The following STPG4 variants were observed in gnomAD, a reference collection of about 807,000 sequenced individuals.
STPG4 encodes the protein sperm-tail PG-rich repeat containing 4, also known as protein STPG4.
A neutral mutation model predicts 31.5 loss-of-function variants in STPG4; 41 were observed. The observed-to-expected ratio is 1.30, with a 90% CI of 1.01 to 1.69. The LOEUF is 1.69. Among genes scored for constraint, STPG4 ranks in the 40% most tolerant of loss-of-function variants. The pLI is 0.00. For synonymous variants in STPG4, 141 were observed against 103.0 expected (o/e 1.37, Z -2.24); for missense variants, 375 against 293.4 (o/e 1.28, Z -2.03).
At chr2:47,107,485 C>T (rs1452594941) in intron 5 of STPG4, among the ~76,000 whole-genome samples, 2 of 152,174 alleles carry the variant, frequency 1.3e-5, no homozygotes, top group Non-Finnish European at 1.5e-5. Context: ...GTGCTGCGCT[C>T]GGTTTCTCAC....
chr2:47,090,457 A>G (rs1685548442), intron 5 of STPG4, 83 bp from the exon 6 acceptor site: 1 of 881,390 alleles, frequency 1.1e-6, no homozygotes, highest in Admixed American at 2.2e-5. Context: ...ACAAATAAAC[A>G]TATGAATCAC....
At chr2:47,133,361 C>G (rs971773071) in intron 3 of STPG4, among the ~76,000 whole-genome samples, 2 of 151,520 alleles carry the variant, frequency 1.3e-5, no homozygotes, top group African/African-American at 4.9e-5. Context: ...GAGTTGAGAT[C>G]TCACTATGTT....
intron 5 of STPG4, 104 bp from the exon 6 acceptor site, chr2:47,090,478 T>G: frequency 2.6e-6 from 2 of 758,516 alleles, no homozygotes; most frequent in Admixed American, 4.9e-5. Context: ...TGTGATATAG[T>G]AGAAAAATCC....
At chr2:47,111,923 G>A (rs970658996) in intron 5 of STPG4, among the ~76,000 whole-genome samples, 3 of 152,106 alleles carry the variant, frequency 2.0e-5, no homozygotes, top group African/African-American at 7.2e-5. Flanking sequence ...CCTACACTGG[G>A]GGACAAAATA....
intron 5 of STPG4, among the ~76,000 whole-genome samples, chr2:47,103,324 C>G (rs1364303562): frequency 6.6e-6 from 1 of 151,896 alleles, no homozygotes; most frequent in Non-Finnish European, 1.5e-5. Context: ...CCAAATCACT[C>G]GAGGGTCAAT....
chr2:47,133,545 A>C (rs1478237463), intron 3 of STPG4, among the ~76,000 whole-genome samples: 1 of 133,226 alleles, frequency 7.5e-6, no homozygotes, highest in Non-Finnish European at 1.6e-5. Flanking sequence ...TAATGTTTCA[A>C]TCCATGCTGA....
intron 5 of STPG4, among the ~76,000 whole-genome samples, chr2:47,127,178 T>C (rs1366406928): frequency 6.6e-6 from 1 of 151,880 alleles, no homozygotes; most frequent in Non-Finnish European, 1.5e-5. Context: ...TTATAGATTT[T>C]GTAAGCATGC....
chr2:47,114,413 A>T (rs576149867), intron 5 of STPG4, among the ~76,000 whole-genome samples: 2 of 152,214 alleles, frequency 1.3e-5, no homozygotes, highest in Non-Finnish European at 2.9e-5. Context: ...ATGTTGAGGC[A>T]AGAGAATAAC....
intron 3 of STPG4, among the ~76,000 whole-genome samples, chr2:47,142,958 C>T (rs1284618164): frequency 6.7e-6 from 1 of 149,908 alleles, no homozygotes; most frequent in East Asian, 2.0e-4. Context: ...CTGCCTTAGC[C>T]TCCCGAGTAG....
intron 5 of STPG4, among the ~76,000 whole-genome samples, chr2:47,121,847 CGTGTGTGTGTGTGTGTGTGTGTGT>C (rs10538224): frequency 2.1e-5 from 3 of 144,218 alleles, no homozygotes; most frequent in East Asian, 2.0e-4. Context: ...GCCCTCTCCT[CGTGTGTGTGTGTGTGTGTGTGTGT>C]GTGTGTGTGT....
intron 5 of STPG4, 55 bp downstream of exon 5, chr2:47,129,886 C>A: frequency 6.3e-7 from 1 of 1,595,540 alleles, no homozygotes; most frequent in Admixed American, 1.8e-5. Flanking sequence ...CCAGAAAGCA[C>A]AGCGTATTTT....
intron 5 of STPG4, among the ~76,000 whole-genome samples, chr2:47,123,089 G>C (rs1686306200): frequency 6.6e-6 from 1 of 152,114 alleles, no homozygotes; most frequent in South Asian, 2.1e-4. Flanking sequence ...GCCTTCCAAA[G>C]TGCTGGGATT....
chr2:47,091,973 T>C (rs10173111), intron 5 of STPG4, among the ~76,000 whole-genome samples: 123,646 of 147,880 alleles, frequency 0.84, 51,959 homozygotes, highest in Admixed American at 0.89. Flanking sequence ...TGAGTTTTTA[T>C]AGACGTAACA....
At chr2:47,136,110 C>T (rs541287897) in intron 3 of STPG4, among the ~76,000 whole-genome samples, 12 of 152,218 alleles carry the variant, frequency 7.9e-5, no homozygotes, top group South Asian at 4.1e-4. Context: ...TTCCTATCCA[C>T]GGGAAATCTC....
intron 3 of STPG4, among the ~76,000 whole-genome samples, chr2:47,145,117 G>A (rs1686793143): frequency 6.6e-6 from 1 of 152,214 alleles, no homozygotes; most frequent in Admixed American, 6.5e-5. Context: ...AAGAAGCCAA[G>A]GAGGTAAGTG....
intron 5 of STPG4, among the ~76,000 whole-genome samples, chr2:47,127,010 C>T (rs558450842): frequency 5.9e-5 from 9 of 152,016 alleles, no homozygotes; most frequent in African/African-American, 2.2e-4. Context: ...GTTAAATATG[C>T]TTAGTGTTCT....
intron 2 of STPG4, 91 bp from the exon 3 acceptor site, chr2:47,151,606 C>T (rs1686938943): frequency 2.9e-6 from 3 of 1,035,340 alleles, no homozygotes; most frequent in Admixed American, 2.2e-5. Flanking sequence ...CAAGTAACAT[C>T]TCTCTTTGTT....
chr2:47,119,674 C>T lies in STPG4; in HGVS notation c.519+10267G>A, dbSNP rs138470430. The stretch of plus-strand genomic sequence containing the variant: ...TCTTTTCCCATCAAATAAAAAAAGA[C>T]GTAACTATTGTAGAACAGACTAGGG... On this transcript the variant is annotated intron_variant, in intron 5 of 6. Coordinates refer to ENST00000445927, the MANE Select transcript of STPG4 (RefSeq NM_001163561.2). 1.7e-4 allele frequency among the ~76,000 whole-genome samples: 25 copies of T among 150,098 alleles called. No homozygotes were observed. In the East Asian group the frequency reaches 3.1e-3, roughly 19 times the overall value.
chr2:47,145,364 T>C (rs1459598784), intron 3 of STPG4, among the ~76,000 whole-genome samples: 3 of 151,762 alleles, frequency 2.0e-5, no homozygotes, highest in Non-Finnish European at 4.4e-5. Flanking sequence ...CTGCAGAGAG[T>C]TGCCTAAGCA....
Sources: allele counts gnomAD v4.1 joint callset (sites outside exome capture counted in the v4.1 genomes callset), GRCh38; gene constraint gnomAD v4.1.1; transcripts MANE v1.5; gene names NCBI Gene and HGNC (gene_info 2026-07-23, HGNC 2026-07-21).